EBF4: variants seen among roughly 807,000 people sequenced by gnomAD.
The protein encoded by EBF4 is transcription factor COE4.
EBF4 carries 34 observed loss-of-function variants against 67.1 expected under a neutral mutation model. The ratio of observed to expected loss-of-function variants is 0.51; its 90% CI spans 0.39 to 0.67. EBF4 has a LOEUF of 0.67. EBF4 is among the 30% of genes least tolerant of loss of function. The pLI, the probability that EBF4 is intolerant of heterozygous loss-of-function variation, is 0.00. For missense variants in EBF4, 837 were observed against 873.3 expected, an observed-to-expected ratio of 0.96 and a Z score of 0.52; for synonymous variants, 387 against 377.7, an observed-to-expected ratio of 1.02 and a Z score of -0.29.
At chr20:2,712,279 A>G (rs1345085889) in intron 6 of EBF4, among the ~76,000 whole-genome samples, 1 of 152,218 alleles carries the variant, frequency 6.6e-6, no homozygotes, top group African/African-American at 2.4e-5. Context: ...AGCCAGTACA[A>G]TAGCCCAGGT....
At position 2,707,969 on chromosome 20, in the gene EBF4, A is replaced by G. The variant is rs1459829709; in HGVS notation, c.437A>G (p.Asp146Gly). 3.7e-6 allele frequency: 6 copies of G among 1,606,570 alleles called. No individual in the cohort carries two copies. In the African/African-American group the frequency reaches 8.0e-5, roughly 21 times the overall value. Residue 146 changes from aspartate to glycine, a missense_variant, in exon 5 of 17, where the codon GAC becomes GGC. This residue lies in a region of EBF4 where 226 missense variants were observed against 306.5 expected (regional missense o/e 0.74). Transcript: ENST00000609451. The surrounding 1 kb of genome is among the most constrained non-coding windows in gnomAD (Gnocchi z 4.6). ...CAGGCCATCATCTATGAGGGGCAGG[A>G]CAAGAACCCCGAAATGTGCCGAGTG...
At chr20:2,753,913 C>T (rs971691956) in intron 14 of EBF4, among the ~76,000 whole-genome samples, 6 of 152,204 alleles carry the variant, frequency 3.9e-5, no homozygotes, top group Admixed American at 3.9e-4. Context: ...GACTGCTCCT[C>T]CTTCCCTTCA....
chr20:2,754,885 G>T (rs1269010635), intron 14 of EBF4, among the ~76,000 whole-genome samples: 2 of 151,630 alleles, frequency 1.3e-5, no homozygotes. Context: ...TGGCTAGGGA[G>T]TTTGAGAGCA....
At chr20:2,694,494 A>T (rs1193217368) in intron 1 of EBF4, among the ~76,000 whole-genome samples, 1 of 152,082 alleles carries the variant, frequency 6.6e-6, no homozygotes, top group African/African-American at 2.4e-5. Context: ...CAGGATTTGA[A>T]AGCGAACTTT....
At chr20:2,732,527 C>G (rs2087827873) in intron 6 of EBF4, among the ~76,000 whole-genome samples, 1 of 152,202 alleles carries the variant, frequency 6.6e-6, no homozygotes, top group Non-Finnish European at 1.5e-5. Flanking sequence ...ATCTTAGTGT[C>G]TATTCATAAA....
chr20:2,749,258 C>T, intron 7 of EBF4, 143 bp from the exon 8 acceptor site: 2 of 621,028 alleles, frequency 3.2e-6, no homozygotes, highest in Non-Finnish European at 5.5e-6. Context: ...TCAGACACTG[C>T]AGGATTGAAG....
intron 6 of EBF4, among the ~76,000 whole-genome samples, chr20:2,726,664 C>G (rs1328553549): frequency 6.6e-6 from 1 of 151,982 alleles, no homozygotes; most frequent in South Asian, 2.1e-4. Flanking sequence ...TCCTTTTCCC[C>G]CATTACTCTT....
At chr20:2,697,384 A>C (rs1015484407) in intron 1 of EBF4, among the ~76,000 whole-genome samples, 23 of 151,578 alleles carry the variant, frequency 1.5e-4, no homozygotes, top group Non-Finnish European at 5.9e-5. Flanking sequence ...TCTCTACTAA[A>C]AATACAAAAA....
intron 6 of EBF4, among the ~76,000 whole-genome samples, chr20:2,742,244 G>A (rs536167750): frequency 1.3e-5 from 2 of 152,232 alleles, no homozygotes; most frequent in South Asian, 2.1e-4. Context: ...GCTTAGCCTT[G>A]GTTTTCTCAT....
rs959792674 is a variant in EBF4 at position 2,745,566 on chromosome 20, A to G, written c.558-2983A>G. 6.6e-6 allele frequency among the ~76,000 whole-genome samples: 1 copy of G among 152,186 alleles called. No individual in the cohort carries two copies. The highest frequency in any genetic ancestry group is 6.5e-5 in the Admixed American group (1 of 15,280). On this transcript the variant is annotated intron_variant, in intron 6 of 16. Coordinates refer to ENST00000609451, the Ensembl canonical transcript of EBF4. The surrounding 1 kb of genome is among the most constrained non-coding windows in gnomAD (Gnocchi z 5.2). ...AATGGTGGCTGTACAGGGCGTGAGA[A>G]TTGGTGTGGACCCAAAGGACAAATG... is the stretch of plus-strand genomic sequence containing the variant.
intron 6 of EBF4, among the ~76,000 whole-genome samples, chr20:2,744,082 TTA>T (rs200368085): frequency 0.016 from 1,931 of 122,574 alleles, 30 homozygotes; most frequent in African/African-American, 0.063. Context: ...TTTATTTTTT[TTA>T]TTTTTTTTTT....
chr20:2,720,222 A>C (rs535578548), intron 6 of EBF4, among the ~76,000 whole-genome samples: 2 of 152,180 alleles, frequency 1.3e-5, no homozygotes, highest in East Asian at 3.9e-4. Flanking sequence ...TCAGCCTCCC[A>C]AGTAGCTGGG....
chr20:2,758,774 C>T (rs1161853924), intron 15 of EBF4, 135 bp from the exon 16 acceptor site: 3 of 758,684 alleles, frequency 4.0e-6, no homozygotes, highest in South Asian at 1.7e-5. Context: ...CTGCCATGGG[C>T]CAGGGCTAGG....
chr20:2,710,146 C>T (rs1382375266), intron 6 of EBF4, among the ~76,000 whole-genome samples: 1 of 152,106 alleles, frequency 6.6e-6, no homozygotes, highest in African/African-American at 2.4e-5. Context: ...ACCATGATTT[C>T]TATTTCTTTA....
At chr20:2,723,523 G>C (rs1259400065) in intron 6 of EBF4, among the ~76,000 whole-genome samples, 1 of 151,678 alleles carries the variant, frequency 6.6e-6, no homozygotes, top group Non-Finnish European at 1.5e-5. Context: ...CTAATTTTTT[G>C]TATTTTTAAT....
rs762479907 is a variant in EBF4 at position 2,755,755 on chromosome 20, G to A, written c.1669G>A (p.Ala557Thr). 4.3e-5 allele frequency: 66 copies of A among 1,550,430 alleles called. No individual in the cohort carries two copies. The highest frequency in any genetic ancestry group is 1.5e-4 in the African/African-American group (11 of 73,028). The change falls in exon 15 of 17, where the codon GCC (alanine) becomes ACC (threonine). Residue 557 changes from alanine (A) to threonine (T), a missense_variant. Transcript: ENST00000609451. The surrounding 1 kb of genome is among the most constrained non-coding windows in gnomAD (Gnocchi z 4.7). ...CGCCGTCAAACAGAGGAGCGCCTTC[G>A]CCCCCGTGCTGCGCCCCCCAAGCTC...
At chr20:2,759,176 C>A in intron 16 of EBF4, 92 bp from the exon 17 acceptor site, 2 of 602,028 alleles carry the variant, frequency 3.3e-6, no homozygotes, top group Non-Finnish European at 5.8e-6. Flanking sequence ...CCCCAGTAAC[C>A]CAAGCTGACC....
chr20:2,758,953 G>C, exon 16 of EBF4: 5 of 1,551,796 alleles, frequency 3.2e-6, no homozygotes, highest in Non-Finnish European at 4.4e-6. Context: ...TCCAGCCCGG[G>C]GGCTTCAGGG....
Position 2,751,559 on chromosome 20 carries a change from G to A in EBF4, c.1019-141G>A. 1 of 779,284 alleles carries A rather than the reference G, an allele frequency of 1.3e-6. No homozygotes were observed. Among genetic ancestry groups the A allele is most frequent in the Non-Finnish European group, 2.1e-6 (1 of 487,110 alleles). 48.3% of individuals were successfully genotyped at this position (779,284 alleles called of 1,614,324 possible). A position where few individuals can be genotyped will look rare whatever the true frequency, so the allele number is the denominator to read the frequency against. ...GCCGGGGGTGCCTGGAGTTTTCCGG[G>A]GGACTTGGGCTGGGCCTGGTGGAGG... On this transcript the variant is annotated intron_variant, in intron 10 of 16. Transcript: ENST00000609451. The surrounding 1 kb of genome is among the most constrained non-coding windows in gnomAD (Gnocchi z 5.2).
Sources: gnomAD v4.1 joint callset for allele counts (sites outside exome capture counted in the v4.1 genomes callset) on GRCh38, gnomAD v4.1.1 for gene constraint, gnomAD v4.1.1 regional missense constraint, Gnocchi (gnomAD v3.1) non-coding constraint, MANE v1.5 for transcripts, NCBI Gene and HGNC (gene_info 2026-07-23, HGNC 2026-07-21) for gene names.